Variants in PCDHGA7 observed in about 807,000 individuals in gnomAD.
PCDHGA7 encodes protocadherin gamma-A7.
In PCDHGA7, 44 loss-of-function variants were observed where a neutral mutation model predicts 58.3. That is an observed-to-expected ratio of 0.75 (90% confidence interval 0.59 to 0.97). PCDHGA7 has a LOEUF of 0.97. Ranked by LOEUF, PCDHGA7 falls within the 50% of genes least tolerant of loss-of-function variation. The probability of loss-of-function intolerance (pLI) is 0.00; values close to 1 mark genes in which losing one functional copy is unlikely to be tolerated. For synonymous variants in PCDHGA7, 516 were observed against 504.2 expected, an observed-to-expected ratio of 1.02 and a Z score of -0.31; for missense variants, 1,266 against 1,188.7, an observed-to-expected ratio of 1.06 and a Z score of -0.96.
Position 141,485,187 on chromosome 5 carries a change from T to A in PCDHGA7, c.2425-9620T>A, listed in dbSNP as rs1325714839. ...CGGGCGGCAGCAATGCTCCGCAAGG[T>A]GAGAAGCTGGACAGAAATCTGGCGG... On this transcript the variant is annotated intron_variant, in intron 1 of 3. Transcript: ENST00000518325. This position sits in a 1 kb window ranked among gnomAD's most constrained non-coding sequence, Gnocchi z 5.7. 1 of 1,613,502 alleles carries A rather than the reference T, an allele frequency of 6.2e-7. No individual in the cohort carries two copies. The highest frequency in any genetic ancestry group is 1.7e-5 in the Admixed American group (1 of 60,018).
At position 141,432,232 on chromosome 5, in the gene PCDHGA7, G is replaced by A. The variant is rs766929605; in HGVS notation, c.2424+46909G>A. Reference sequence around the variant, plus strand: ...AGAACGCCCAGATCACTTATTCCCTGGCTGAGAACACCATCCAAGGGGCAA... The same window carrying A: ...AGAACGCCCAGATCACTTATTCCCTAGCTGAGAACACCATCCAAGGGGCAA... On this transcript the variant is annotated intron_variant, in intron 1 of 3. Coordinates refer to ENST00000518325, the MANE Select transcript of PCDHGA7 (RefSeq NM_018920.4). The surrounding 1 kb of genome is among the most constrained non-coding windows in gnomAD (Gnocchi z 6.0). The A allele has an allele frequency of 6.2e-7, 1 of 1,614,188 alleles. No homozygotes were observed. The highest frequency in any genetic ancestry group is 1.6e-4 in the Middle Eastern group (1 of 6,062).
chr5:141,427,197 A>C (rs1277186420), intron 1 of PCDHGA7: 4 of 456,762 alleles, frequency 8.8e-6, no homozygotes, highest in Admixed American at 2.3e-5. Context: ...CAAAGACTTA[A>C]TAGACTTCGA....
At chr5:141,414,473 G>T (rs371832510) in intron 1 of PCDHGA7, 1 of 1,613,908 alleles carries the variant, frequency 6.2e-7, no homozygotes, top group Non-Finnish European at 8.5e-7. Flanking sequence ...GATGGGGGAA[G>T]TCCTCCTCTA....
At chr5:141,474,115 G>A (rs1404490690) in intron 1 of PCDHGA7, among the ~76,000 whole-genome samples, 2 of 152,062 alleles carry the variant, frequency 1.3e-5, no homozygotes, top group South Asian at 2.1e-4. Context: ...CAACAACAAC[G>A]AAAATCTCAG....
intron 1 of PCDHGA7, chr5:141,418,297 C>T (rs760176371): frequency 2.5e-6 from 4 of 1,614,026 alleles, no homozygotes; most frequent in African/African-American, 2.7e-5. Flanking sequence ...GTGAATCCGT[C>T]AGCCTGGGGA....
At chr5:141,481,647 A>C (rs749515062) in intron 1 of PCDHGA7, among the ~76,000 whole-genome samples, 28 of 151,830 alleles carry the variant, frequency 1.8e-4, no homozygotes, top group African/African-American at 6.5e-4. Context: ...GTGAAACTTC[A>C]TCTCTACTAA....
chr5:141,510,613 C>T (rs559713771), intron 3 of PCDHGA7, among the ~76,000 whole-genome samples: 17 of 152,298 alleles, frequency 1.1e-4, no homozygotes, highest in Admixed American at 2.0e-4. Context: ...TTAGCATTCA[C>T]TAAAACCAGA....
intron 1 of PCDHGA7, among the ~76,000 whole-genome samples, chr5:141,455,576 G>T (rs752051075): frequency 1.3e-5 from 2 of 152,154 alleles, no homozygotes; most frequent in Non-Finnish European, 2.9e-5. Flanking sequence ...TCCCACCCCA[G>T]CCTTTTAATA....
At position 141,431,549 on chromosome 5, in the gene PCDHGA7, G is replaced by A. The variant is rs750427346; in HGVS notation, c.2424+46226G>A. ...GGCCTTGGGCACGCAGCTGCTTGTA[G>A]TCAACGCTACCGACCCTGACGAAGG... On this transcript the variant is annotated intron_variant, in intron 1 of 3. Coordinates refer to ENST00000518325, the MANE Select transcript of PCDHGA7 (RefSeq NM_018920.4). This position sits in a 1 kb window ranked among gnomAD's most constrained non-coding sequence, Gnocchi z 4.8. The A allele has an allele frequency of 6.2e-7, 1 of 1,614,156 alleles. No homozygotes were observed. Among genetic ancestry groups the A allele is most frequent in the South Asian group, 1.1e-5 (1 of 91,090 alleles).
intron 1 of PCDHGA7, among the ~76,000 whole-genome samples, chr5:141,439,689 A>G (rs1193986599): frequency 6.6e-6 from 1 of 152,218 alleles, no homozygotes; most frequent in Non-Finnish European, 1.5e-5. Flanking sequence ...CAGACCCACA[A>G]CATTCCTATT....
At chr5:141,422,187 T>A in intron 1 of PCDHGA7, 1 of 1,561,762 alleles carries the variant, frequency 6.4e-7, no homozygotes, top group South Asian at 1.2e-5. Context: ...AGATGGAAAT[T>A]CAAGGCCAAG....
At chr5:141,492,500 C>G (rs2099741252) in intron 1 of PCDHGA7, among the ~76,000 whole-genome samples, 1 of 152,322 alleles carries the variant, frequency 6.6e-6, no homozygotes, top group South Asian at 2.1e-4. Flanking sequence ...GCGAGGACTC[C>G]GGAGCCTCCT....
intron 1 of PCDHGA7, chr5:141,395,240 G>A: frequency 6.3e-7 from 1 of 1,589,850 alleles, no homozygotes; most frequent in Non-Finnish European, 8.6e-7. Context: ...ATGGTCAGGT[G>A]AGTTTAGTTC....
chr5:141,423,482 A>G, intron 1 of PCDHGA7: 2 of 1,613,968 alleles, frequency 1.2e-6, no homozygotes, highest in African/African-American at 1.3e-5. Flanking sequence ...GCTTTCCTGC[A>G]AACCTATTCC....
intron 1 of PCDHGA7, chr5:141,387,564 A>G: frequency 4.5e-6 from 2 of 442,524 alleles, no homozygotes; most frequent in Non-Finnish European, 8.0e-6. Context: ...TAGGCACACA[A>G]TTATAATTAT....
At chr5:141,478,513 G>A in intron 1 of PCDHGA7, 1 of 1,611,520 alleles carries the variant, frequency 6.2e-7, no homozygotes. Context: ...TCTATAGGCA[G>A]GTGTTGGGTG....
rs115001531 is a variant in PCDHGA7, at chr5:141,495,385, G to A, written c.2483+520G>A. Among the ~76,000 whole-genome samples the A allele has an allele frequency of 2.2e-3, 339 of 152,328 alleles. 1 individual carries two copies. Among genetic ancestry groups the A allele is most frequent in the African/African-American group, 7.9e-3 (329 of 41,590 alleles). ...AGGTGGAACTGAGGAAGGACTGGGC[G>A]GGGCATGGAGCAGGCCCCCTTCTCC... On this transcript the variant is annotated intron_variant, in intron 2 of 3. Transcript: ENST00000518325.
At chr5:141,448,021 G>A (rs1376525971) in intron 1 of PCDHGA7, among the ~76,000 whole-genome samples, 2 of 152,050 alleles carry the variant, frequency 1.3e-5, no homozygotes, top group African/African-American at 4.8e-5. Context: ...AGGAGGTGGA[G>A]GTTGCAGTGA....
chr5:141,500,460 C>T (rs1421637554), intron 2 of PCDHGA7, among the ~76,000 whole-genome samples: 2 of 152,234 alleles, frequency 1.3e-5, no homozygotes, highest in South Asian at 2.1e-4. Context: ...CCGCCCGCCT[C>T]GGCCTCCCAA....
Sources: allele counts gnomAD v4.1 joint callset (sites outside exome capture counted in the v4.1 genomes callset), GRCh38; gene constraint gnomAD v4.1.1; non-coding constraint Gnocchi (gnomAD v3.1); transcripts MANE v1.5; gene names NCBI Gene and HGNC (gene_info 2026-07-23, HGNC 2026-07-21).